EYS: variants seen among roughly 807,000 people sequenced by gnomAD.
EYS encodes the protein protein eyes shut homolog.
Under a neutral mutation model 282.1 loss-of-function variants are expected in EYS, and 250 were observed. The observed-to-expected ratio is 0.89, with a 90% CI of 0.80 to 0.98. The LOEUF is 0.98. Ranked by LOEUF, EYS falls within the 50% of genes least tolerant of loss-of-function variation. The pLI is 0.00. For synonymous variants in EYS, 1,355 were observed against 1,282.9 expected (o/e 1.06, Z -1.20); for missense variants, 4,016 against 3,709.0 (o/e 1.08, Z -2.15).
intron 29 of EYS, among the ~76,000 whole-genome samples, 190 bp from the exon 30 acceptor site, chr6:64,307,272 A>G (rs1376875361): frequency 6.6e-6 from 1 of 152,118 alleles, no homozygotes; most frequent in East Asian, 1.9e-4. Flanking sequence ...GGATTTTTCC[A>G]TATCTTGGCT....
At chr6:64,916,673 A>G (rs1768174611) in intron 15 of EYS, among the ~76,000 whole-genome samples, 2 of 152,178 alleles carry the variant, frequency 1.3e-5, no homozygotes, top group Admixed American at 1.3e-4. Flanking sequence ...TCACAGCTAG[A>G]AGCAGAGTCT....
chr6:64,642,447 G>T (rs1055777973), intron 22 of EYS, among the ~76,000 whole-genome samples: 3 of 152,028 alleles, frequency 2.0e-5, no homozygotes, highest in Admixed American at 2.0e-4. Flanking sequence ...ACTTACAATC[G>T]ATATATTCTT....
chr6:64,311,109 A>T (rs1482686304), intron 29 of EYS, among the ~76,000 whole-genome samples: 3 of 152,114 alleles, frequency 2.0e-5, no homozygotes, highest in Admixed American at 6.5e-5. Flanking sequence ...TTTGTAAAAC[A>T]TAAGTGAAAC....
At chr6:64,263,243 C>T (rs766794695) in intron 30 of EYS, among the ~76,000 whole-genome samples, 6 of 152,010 alleles carry the variant, frequency 3.9e-5, no homozygotes, top group Non-Finnish European at 8.8e-5. Flanking sequence ...ATTCTGGGGA[C>T]GCTTCTGAAA....
rs553667313 is a variant in EYS at position 64,888,674 on chromosome 6, A to C, written c.2847-1832T>G. Reference sequence around the variant, plus strand: ...TACTAACTTCTTGAATTTTTGTTCAAATAGTCAAACTGTTTTTCTCCATTG... The same window carrying C: ...TACTAACTTCTTGAATTTTTGTTCACATAGTCAAACTGTTTTTCTCCATTG... On this transcript the variant is annotated intron_variant, in intron 18 of 42. Transcript: ENST00000503581. Among the ~76,000 whole-genome samples, 4 of 152,102 alleles carry C rather than the reference A, an allele frequency of 2.6e-5. No individual in the cohort carries two copies. In the East Asian group the frequency reaches 7.7e-4, roughly 29 times the overall value.
intron 26 of EYS, among the ~76,000 whole-genome samples, chr6:64,490,212 G>A (rs570126802): frequency 1.3e-5 from 2 of 150,814 alleles, no homozygotes; most frequent in African/African-American, 4.8e-5. Flanking sequence ...CTATTGCCCC[G>A]AATAACAATA....
At chr6:65,002,966 A>G (rs1771514745) in intron 13 of EYS, among the ~76,000 whole-genome samples, 1 of 147,434 alleles carries the variant, frequency 6.8e-6, no homozygotes, top group African/African-American at 2.4e-5. Context: ...GAGGATGTAT[A>G]TCGCCTCAGG....
intron 35 of EYS, among the ~76,000 whole-genome samples, chr6:63,974,232 T>C (rs1382021820): frequency 1.3e-5 from 2 of 152,072 alleles, no homozygotes; most frequent in Non-Finnish European, 2.9e-5. Flanking sequence ...TACGCATTTT[T>C]TTGGTGCATG....
intron 19 of EYS, among the ~76,000 whole-genome samples, chr6:64,852,506 G>A (rs1368325282): frequency 1.3e-5 from 2 of 152,026 alleles, no homozygotes; most frequent in Non-Finnish European, 2.9e-5. Flanking sequence ...GTGATCTTGT[G>A]AGTTGATACT....
intron 22 of EYS, among the ~76,000 whole-genome samples, chr6:64,651,051 C>G (rs1451944148): frequency 6.6e-6 from 1 of 151,824 alleles, no homozygotes; most frequent in East Asian, 1.9e-4. Context: ...CATGAAGGAG[C>G]CAATTTAACT....
chr6:64,364,971 T>C (rs1270109895), intron 29 of EYS, among the ~76,000 whole-genome samples: 1 of 152,008 alleles, frequency 6.6e-6, no homozygotes, highest in Non-Finnish European at 1.5e-5. Context: ...TTCTTATAAG[T>C]TTTTGTTTTT....
intron 33 of EYS, among the ~76,000 whole-genome samples, chr6:64,048,398 G>A (rs1174528847): frequency 6.6e-6 from 1 of 152,050 alleles, no homozygotes; most frequent in Non-Finnish European, 1.5e-5. Context: ...GCATGGCTCT[G>A]TGCTTGGGTG....
rs971253140 is a variant in EYS at position 65,295,839 on chromosome 6, T to A, written c.2023+24A>T. ...CAACATTATTTACTAGAAAATTTAATTTATCAGGAAAAAAAAAACTTGCCT... is the reference window on the plus strand; with the variant it reads ...CAACATTATTTACTAGAAAATTTAAATTATCAGGAAAAAAAAAACTTGCCT... On this transcript the variant is annotated intron_variant, in intron 12 of 42. Transcript: ENST00000503581. 4.1e-6 allele frequency: 6 copies of A among 1,472,916 alleles called. No individual in the cohort carries two copies. The African/African-American group carries it at 8.8e-5, about 22-fold the overall frequency. The allele number at this position is 1,472,916 out of a possible 1,614,324, so 91.2% of individuals were successfully genotyped here.
At chr6:63,764,527 C>T (rs1452604634) in intron 40 of EYS, among the ~76,000 whole-genome samples, 2 of 151,750 alleles carry the variant, frequency 1.3e-5, no homozygotes, top group Non-Finnish European at 2.9e-5. Context: ...GACGATTGCG[C>T]CATCTAGTGG....
At chr6:65,036,401 C>T (rs1772773558) in intron 13 of EYS, among the ~76,000 whole-genome samples, 1 of 151,666 alleles carries the variant, frequency 6.6e-6, no homozygotes, top group Admixed American at 6.6e-5. Flanking sequence ...TAGGAAATAC[C>T]ATTCTGAAAA....
chr6:64,712,636 G>A (rs533153489), intron 22 of EYS, among the ~76,000 whole-genome samples: 66 of 152,322 alleles, frequency 4.3e-4, no homozygotes, highest in African/African-American at 1.5e-3. Context: ...TCAGAATGTA[G>A]CACCAACTAT....
intron 9 of EYS, among the ~76,000 whole-genome samples, chr6:65,346,202 G>T (rs563328052): frequency 4.6e-4 from 70 of 151,742 alleles, no homozygotes; most frequent in Admixed American, 2.6e-3. Context: ...ATCCTTGTAT[G>T]GTCAGTTTCC....
chr6:65,597,418 T>G (rs751306732), intron 2 of EYS, among the ~76,000 whole-genome samples: 8 of 152,084 alleles, frequency 5.3e-5, no homozygotes, highest in Non-Finnish European at 8.8e-5. Context: ...GAACCACCTT[T>G]AGCCACTCCC....
At chr6:64,121,512 T>G (rs1414853364) in intron 31 of EYS, among the ~76,000 whole-genome samples, 1 of 152,204 alleles carries the variant, frequency 6.6e-6, no homozygotes, top group Non-Finnish European at 1.5e-5. Flanking sequence ...ACCGTTATGT[T>G]TAACATCATC....
Sources: gnomAD v4.1 joint callset for allele counts (sites outside exome capture counted in the v4.1 genomes callset) on GRCh38, gnomAD v4.1.1 for gene constraint, MANE v1.5 for transcripts, NCBI Gene and HGNC (gene_info 2026-07-23, HGNC 2026-07-21) for gene names.